SPRED1: variants seen among roughly 807,000 people sequenced by gnomAD.
SPRED1 encodes the protein sprouty related EVH1 domain containing 1.
SPRED1 carries 18 observed loss-of-function variants against 52.3 expected under a neutral mutation model. The observed-to-expected ratio is 0.34, with a 90% CI of 0.24 to 0.51. The LOEUF is 0.51. SPRED1 is among the 20% of genes least tolerant of loss of function. The pLI is 0.97. For missense variants in SPRED1, 485 were observed against 551.0 expected (o/e 0.88, Z 1.20); for synonymous variants, 155 against 179.7 (o/e 0.86, Z 1.10).
intron 2 of SPRED1, among the ~76,000 whole-genome samples, chr15:38,309,373 T>G (rs1359140667): frequency 6.6e-6 from 1 of 152,218 alleles, no homozygotes; most frequent in Admixed American, 6.5e-5. Flanking sequence ...ACTCCTGACC[T>G]TAAGTGATCT....
chr15:38,328,915 C>T (rs1225437390), intron 4 of SPRED1, among the ~76,000 whole-genome samples: 6 of 151,878 alleles, frequency 4.0e-5, no homozygotes, highest in Non-Finnish European at 7.4e-5. Flanking sequence ...GGGGTTTTGC[C>T]ACGTTGCCCA....
At chr15:38,334,969 C>T (rs1045685889) in intron 4 of SPRED1, among the ~76,000 whole-genome samples, 2 of 151,852 alleles carry the variant, frequency 1.3e-5, no homozygotes, top group African/African-American at 4.8e-5. Context: ...TCTCCAAACC[C>T]TTGCCAACAT....
intron 4 of SPRED1, among the ~76,000 whole-genome samples, chr15:38,325,142 G>A (rs1012515501): frequency 5.3e-5 from 8 of 151,868 alleles, no homozygotes; most frequent in African/African-American, 9.7e-5. Context: ...CCCAAAATCC[G>A]AAACTTTTTG....
Position 38,279,739 on chromosome 15 carries a change from C to T in SPRED1, c.33-19634C>T, listed in dbSNP as rs377009323. Among the ~76,000 whole-genome samples, 93 of 152,138 alleles carry T rather than the reference C, an allele frequency of 6.1e-4. No individual in the cohort carries two copies. The South Asian group carries it at 0.017, about 27-fold the overall frequency. Reference sequence around the variant, plus strand: ...ATAGCAAATACTGAAGTGTTGAGTGCGTGTTAATATTAGTGGTAGTAGTAG... The same window carrying T: ...ATAGCAAATACTGAAGTGTTGAGTGTGTGTTAATATTAGTGGTAGTAGTAG... On this transcript the variant is annotated intron_variant, in intron 1 of 6. Transcript: ENST00000299084.
At chr15:38,281,559 A>ATTTTTTTTT (rs542005244) in intron 1 of SPRED1, among the ~76,000 whole-genome samples, 6 of 100,728 alleles carry the variant, frequency 6.0e-5, no homozygotes, top group South Asian at 3.7e-4. Flanking sequence ...TGCCCATCTA[A>ATTTTTTTTT]TTTTTTTTTT....
intron 4 of SPRED1, among the ~76,000 whole-genome samples, chr15:38,327,104 G>A (rs1463047153): frequency 6.6e-6 from 1 of 152,116 alleles, no homozygotes; most frequent in Non-Finnish European, 1.5e-5. Context: ...ATTGAGAGAA[G>A]CAATATATAT....
intron 1 of SPRED1, among the ~76,000 whole-genome samples, chr15:38,274,532 T>C (rs189314196): frequency 1.3e-5 from 2 of 152,220 alleles, no homozygotes; most frequent in African/African-American, 4.8e-5. Context: ...ATACAAAGAA[T>C]GCACATATCC....
At chr15:38,301,084 T>A (rs544798407) in intron 2 of SPRED1, among the ~76,000 whole-genome samples, 1 of 152,230 alleles carries the variant, frequency 6.6e-6, no homozygotes, top group African/African-American at 2.4e-5. Context: ...AAGGATGATC[T>A]AGATGTGAAA....
intron 2 of SPRED1, among the ~76,000 whole-genome samples, chr15:38,312,191 G>A (rs1429842890): frequency 1.3e-5 from 2 of 151,852 alleles, no homozygotes; most frequent in Non-Finnish European, 2.9e-5. Context: ...GTTATAATAG[G>A]GTATTGCTGT....
intron 1 of SPRED1, among the ~76,000 whole-genome samples, chr15:38,286,356 T>C (rs1027170942): frequency 2.0e-4 from 31 of 152,110 alleles, no homozygotes; most frequent in Admixed American, 1.9e-3. Flanking sequence ...TTCTAAATCA[T>C]TGGTAAATAG....
At chr15:38,345,805 C>T (rs963190817) in intron 5 of SPRED1, among the ~76,000 whole-genome samples, 6 of 152,130 alleles carry the variant, frequency 3.9e-5, no homozygotes, top group Admixed American at 2.6e-4. Context: ...TTATACTGGA[C>T]ACTAAACAAG....
At chr15:38,333,558 A>G (rs917974877) in intron 4 of SPRED1, among the ~76,000 whole-genome samples, 4 of 152,154 alleles carry the variant, frequency 2.6e-5, no homozygotes, top group African/African-American at 9.7e-5. Context: ...TTTTAATAAG[A>G]TGGATCCATT....
intron 3 of SPRED1, among the ~76,000 whole-genome samples, chr15:38,322,843 G>A (rs1269188933): frequency 1.3e-5 from 2 of 152,058 alleles, no homozygotes; most frequent in Admixed American, 1.3e-4. Context: ...CATGACAAAA[G>A]TCTTTACTTG....
chr15:38,335,558 G>C (rs1213891746), intron 4 of SPRED1, among the ~76,000 whole-genome samples: 1 of 151,834 alleles, frequency 6.6e-6, no homozygotes, highest in Non-Finnish European at 1.5e-5. Context: ...GGTATAGTAT[G>C]TCTCAGTTAA....
At chr15:38,322,834 A>G (rs530943820) in intron 3 of SPRED1, among the ~76,000 whole-genome samples, 3 of 152,290 alleles carry the variant, frequency 2.0e-5, no homozygotes, top group Middle Eastern at 3.4e-3. Context: ...TAGTTATTCC[A>G]TGACAAAAGT....
intron 1 of SPRED1, among the ~76,000 whole-genome samples, chr15:38,298,182 A>G (rs1321419300): frequency 6.6e-6 from 1 of 152,180 alleles, no homozygotes; most frequent in East Asian, 1.9e-4. Context: ...ACTCAATACA[A>G]TGAGTAAAGT....
rs765841849 is a variant in SPRED1, at chr15:38,351,251, T to A, written c.922T>A (p.Ser308Thr). 6.2e-7 allele frequency: 1 copy of A among 1,613,972 alleles called. No homozygotes were observed. The highest frequency in any genetic ancestry group is 1.3e-5 in the African/African-American group (1 of 74,912). The change falls in exon 7 of 7, where the codon TCT (serine) becomes ACT (threonine). Residue 308 changes from serine (S) to threonine (T), a missense_variant. Physicochemically the swap from Ser to Thr is moderately conservative, Grantham distance 58 (BLOSUM62 1). Coordinates refer to ENST00000299084, the MANE Select transcript of SPRED1 (RefSeq NM_152594.3). ...GACTAAGTTAAGTTCACCCAAAGACTCTGTGGTATTTAAGACGCAGCCTTC... is the reference window on the plus strand; with the variant it reads ...GACTAAGTTAAGTTCACCCAAAGACACTGTGGTATTTAAGACGCAGCCTTC... ...DETKLSSPKD[S>T]VVFKTQPSSL... is the part of the protein sequence containing the mutation.
chr15:38,323,941 A>C (rs182231985), intron 3 of SPRED1, among the ~76,000 whole-genome samples: 2 of 152,324 alleles, frequency 1.3e-5, no homozygotes, highest in African/African-American at 4.8e-5. Flanking sequence ...AGTAGCTTAC[A>C]AACTTCTAGG....
At chr15:38,303,484 G>A (rs1895189914) in intron 2 of SPRED1, among the ~76,000 whole-genome samples, 1 of 152,012 alleles carries the variant, frequency 6.6e-6, no homozygotes, top group South Asian at 2.1e-4. Flanking sequence ...TATGTTATTT[G>A]ACCATCTTTA....
Sources: gnomAD v4.1 joint callset for allele counts (sites outside exome capture counted in the v4.1 genomes callset) on GRCh38, gnomAD v4.1.1 for gene constraint, MANE v1.5 for transcripts, NCBI Gene and HGNC (gene_info 2026-07-23, HGNC 2026-07-21) for gene names.